RNF144A: variants seen among roughly 807,000 people sequenced by gnomAD.
The protein encoded by RNF144A is ring finger protein 144A.
RNF144A carries 11 observed loss-of-function variants against 38.7 expected under a neutral mutation model. The ratio of observed to expected loss-of-function variants is 0.28; its 90% CI spans 0.18 to 0.47. The LOEUF (loss-of-function observed/expected upper bound fraction) is 0.47, where lower values mean the gene tolerates loss of function less well. Among genes scored for constraint, RNF144A ranks in the 20% least tolerant of loss-of-function variants. The pLI is 0.99. For synonymous variants in RNF144A, 149 were observed against 143.9 expected (o/e 1.04, Z -0.25); for missense variants, 316 against 377.2 (o/e 0.84, Z 1.34).
intron 2 of RNF144A, among the ~76,000 whole-genome samples, chr2:6,951,794 A>G (rs80123131): frequency 0.02 from 3,028 of 152,230 alleles, 98 homozygotes; most frequent in African/African-American, 0.07. Context: ...CACTTTACCA[A>G]ACCTTTGGTA....
chr2:7,075,992 G>T, the RNF144A span, among the ~76,000 whole-genome samples: 1 of 152,194 alleles, frequency 6.6e-6, no homozygotes, highest in Non-Finnish European at 1.5e-5. Flanking sequence ...TATTGTGTAT[G>T]TTGTGAATAA....
chr2:6,964,833 G>T (rs1667553692), intron 2 of RNF144A, among the ~76,000 whole-genome samples: 2 of 152,020 alleles, frequency 1.3e-5, no homozygotes, highest in Admixed American at 6.6e-5. Flanking sequence ...GGTCGGGGAG[G>T]GGGAGGGATA....
intron 2 of RNF144A, among the ~76,000 whole-genome samples, chr2:6,976,963 A>G (rs1668355792): frequency 6.6e-6 from 1 of 152,230 alleles, no homozygotes; most frequent in African/African-American, 2.4e-5. Flanking sequence ...ATTACAGACA[A>G]TGCTGTAATC....
At chr2:6,969,125 T>C (rs920482579) in intron 2 of RNF144A, among the ~76,000 whole-genome samples, 7 of 152,184 alleles carry the variant, frequency 4.6e-5, no homozygotes, top group Non-Finnish European at 1.0e-4. Context: ...TTACAGGCCT[T>C]GTTAGTAGGG....
In RNF144A at chr2:7,041,251, T is replaced by G; in HGVS notation, c.*1491T>G. 1.0e-6 allele frequency: 1 copy of G among 985,696 alleles called. No homozygotes were observed. Among genetic ancestry groups the G allele is most frequent in the South Asian group, 4.7e-5 (1 of 21,286 alleles). The allele number at this position is 985,696 out of a possible 1,614,324, so 61.1% of individuals were successfully genotyped here. A position where few individuals can be genotyped will look rare whatever the true frequency, so the allele number is the denominator to read the frequency against. ...ACAAGCACATTTTTAAAATGTTGCT[T>G]TGTGTGTGTTTGACTTCTGCATTTG... On this transcript the variant is annotated 3_prime_UTR_variant, in exon 9 of 9. Transcript: ENST00000320892.
At chr2:6,987,746 C>G (rs529450333) in intron 2 of RNF144A, among the ~76,000 whole-genome samples, 12 of 152,262 alleles carry the variant, frequency 7.9e-5, no homozygotes, top group African/African-American at 2.6e-4. Context: ...AGGTGGGTGC[C>G]CTTCCTCTGG....
Position 6,958,799 on chromosome 2 carries a change from C to T in RNF144A, c.-12+17652C>T, listed in dbSNP as rs1269905258. Among the ~76,000 whole-genome samples the T allele has an allele frequency of 1.3e-5, 2 of 152,186 alleles. No individual in the cohort carries two copies. Among genetic ancestry groups the T allele is most frequent in the East Asian group, 1.9e-4 (1 of 5,186 alleles). On this transcript the variant is annotated intron_variant, in intron 2 of 8. Transcript: ENST00000320892. This position sits in a 1 kb window ranked among gnomAD's most constrained non-coding sequence, Gnocchi z 4.5. ...GGACATGGGCCTGGTGTCTCACCTG[C>T]AAGGTGGCAGTGGGGTAGGCTGTGC...
intron 6 of RNF144A, among the ~76,000 whole-genome samples, chr2:7,066,089 T>TC (rs1480532319): frequency 6.6e-6 from 1 of 152,064 alleles, no homozygotes; most frequent in African/African-American, 2.4e-5. Flanking sequence ...CTTTTTTTTT[T>TC]TTCTTTTTTT....
At chr2:6,975,315 G>T (rs555694652) in intron 2 of RNF144A, among the ~76,000 whole-genome samples, 25 of 152,256 alleles carry the variant, frequency 1.6e-4, no homozygotes, top group African/African-American at 6.0e-4. Context: ...CTACCCCCAT[G>T]CTTCCCACCG....
At chr2:6,990,572 AACACACAC>A (rs70942685) in intron 2 of RNF144A, among the ~76,000 whole-genome samples, 1 of 83,934 alleles carries the variant, frequency 1.2e-5, no homozygotes, top group East Asian at 4.2e-4. Context: ...TACACACACA[AACACACAC>A]ACACACACAC....
rs747502824 is a variant in RNF144A at position 7,020,606 on chromosome 2, C to T, written c.435C>T (p.Thr145=). ...CKACRMEFCS[T]CKASWHPGQG... ...CCTGCCGTATGGAATTCTGCTCCACCTGCAAAGCCAGCTGGCACCCTGGCC... is the reference window on the plus strand; with the variant it reads ...CCTGCCGTATGGAATTCTGCTCCACTTGCAAAGCCAGCTGGCACCCTGGCC... Residue 145 remains threonine, a synonymous_variant, in exon 6 of 9, where the codon ACC becomes ACT. Coordinates refer to ENST00000320892, the MANE Select transcript of RNF144A (RefSeq NM_014746.6). 2.5e-6 allele frequency: 4 copies of T among 1,611,386 alleles called. No individual in the cohort carries two copies. The highest frequency in any genetic ancestry group is 1.1e-5 in the South Asian group (1 of 91,086).
chr2:7,027,148 G>A (rs1671961002), intron 7 of RNF144A, among the ~76,000 whole-genome samples: 1 of 152,130 alleles, frequency 6.6e-6, no homozygotes, highest in Admixed American at 6.6e-5. Context: ...AGACATCCAG[G>A]AGTTATGAAT....
intron 6 of RNF144A, among the ~76,000 whole-genome samples, chr2:7,067,351 C>T (rs1674274143): frequency 1.3e-5 from 2 of 152,156 alleles, no homozygotes; most frequent in Non-Finnish European, 2.9e-5. Context: ...TTGATACAGA[C>T]ATCAGAGAGA....
At chr2:6,931,886 A>G (rs1280383657) in intron 1 of RNF144A, among the ~76,000 whole-genome samples, 1 of 152,162 alleles carries the variant, frequency 6.6e-6, no homozygotes, top group African/African-American at 2.4e-5. Context: ...AGGAATGTGT[A>G]TTCTGCTATT....
In RNF144A at chr2:6,941,568, A is replaced by T. The variant is rs1665979310; in HGVS notation, c.-12+421A>T. Among the ~76,000 whole-genome samples the T allele has an allele frequency of 6.6e-6, 1 of 152,178 alleles. No homozygotes were observed. Among genetic ancestry groups the T allele is most frequent in the African/African-American group, 2.4e-5 (1 of 41,448 alleles). Reference sequence around the variant, plus strand: ...TGTTTGTGAGGAATACAAGTGGAGGATGGGGGTAGGGACAGTCAGGAAGAG... The same window carrying T: ...TGTTTGTGAGGAATACAAGTGGAGGTTGGGGGTAGGGACAGTCAGGAAGAG... On this transcript the variant is annotated intron_variant, in intron 2 of 8. Transcript: ENST00000320892. The surrounding 1 kb of genome is among the most constrained non-coding windows in gnomAD (Gnocchi z 6.5).
At chr2:6,931,618 A>AT (rs1278784898) in intron 1 of RNF144A, among the ~76,000 whole-genome samples, 2 of 152,068 alleles carry the variant, frequency 1.3e-5, no homozygotes, top group African/African-American at 4.8e-5. Context: ...CCATATTTCC[A>AT]TTTTTTCTCT....
At chr2:7,059,109 A>T (rs1673856117) in intron 6 of RNF144A, among the ~76,000 whole-genome samples, 2 of 152,162 alleles carry the variant, frequency 1.3e-5, no homozygotes, top group African/African-American at 4.8e-5. Context: ...GCACTTTGGG[A>T]GGCTGAGGCG....
At chr2:6,938,383 G>A (rs1284163028) in intron 1 of RNF144A, among the ~76,000 whole-genome samples, 1 of 151,606 alleles carries the variant, frequency 6.6e-6, no homozygotes, top group African/African-American at 2.4e-5. Flanking sequence ...ATGTAGCTGG[G>A]ATTACAGGTG....
At chr2:6,979,533 G>A (rs1668506150) in intron 2 of RNF144A, among the ~76,000 whole-genome samples, 1 of 151,646 alleles carries the variant, frequency 6.6e-6, no homozygotes, top group Admixed American at 6.6e-5. Flanking sequence ...GAAATCATTA[G>A]CTTTTTTTTT....
Sources: gnomAD v4.1 joint callset for allele counts (sites outside exome capture counted in the v4.1 genomes callset) on GRCh38, gnomAD v4.1.1 for gene constraint, Gnocchi (gnomAD v3.1) non-coding constraint, MANE v1.5 for transcripts, NCBI Gene and HGNC (gene_info 2026-07-23, HGNC 2026-07-21) for gene names.